The following OAT variants were observed in gnomAD, a reference collection of about 807,000 sequenced individuals.
OAT encodes ornithine aminotransferase, mitochondrial.
In OAT, 35 loss-of-function variants were observed where a neutral mutation model predicts 48.4. The ratio of observed to expected loss-of-function variants is 0.72; its 90% CI spans 0.55 to 0.96. The LOEUF is 0.96. Among genes scored for constraint, OAT ranks in the 40% least tolerant of loss-of-function variants. The pLI is 0.00. For missense variants in OAT, 438 were observed against 537.9 expected (o/e 0.81, Z 1.84); for synonymous variants, 182 against 198.4 (o/e 0.92, Z 0.70).
chr10:124,406,581 C>T (rs1397743096), intron 4 of OAT, among the ~76,000 whole-genome samples: 3 of 151,602 alleles, frequency 2.0e-5, no homozygotes, highest in African/African-American at 4.9e-5. Context: ...TTTGGGAGGC[C>T]GAGGCAGGCA....
chr10:124,405,132 A>G (rs1008358875), intron 5 of OAT, among the ~76,000 whole-genome samples: 5 of 152,220 alleles, frequency 3.3e-5, no homozygotes, highest in Non-Finnish European at 7.4e-5. Flanking sequence ...CTTCCACTTC[A>G]TAATTTTAAA....
chr10:124,413,237 G>C (rs1951808982), intron 1 of OAT, among the ~76,000 whole-genome samples: 1 of 150,190 alleles, frequency 6.7e-6, no homozygotes, highest in South Asian at 2.1e-4. Context: ...AGTTGAATTA[G>C]ACCAACATAT....
chr10:124,408,517 G>T, intron 4 of OAT, 25 bp downstream of exon 4: 1 of 1,552,758 alleles, frequency 6.4e-7, no homozygotes, highest in East Asian at 2.2e-5. Flanking sequence ...TTCAATCATA[G>T]AAGTTAATAT....
rs376686600 is a variant in OAT, at chr10:124,401,849, A to C, written c.901-10T>G. 1.3e-6 allele frequency: 2 copies of C among 1,588,648 alleles called. No individual in the cohort carries two copies. The highest frequency in any genetic ancestry group is 1.7e-6 in the Non-Finnish European group (2 of 1,158,046). On this transcript the variant is annotated splice_polypyrimidine_tract_variant and intron_variant, in intron 7 of 9. Transcript: ENST00000368845. ...ACAGCACTGCAGACACCTGAAAGAC[A>C]GTCAATTCACCATGTCATTTCTCAG...
At position 124,397,871 on chromosome 10, in the gene OAT, G is replaced by A; in HGVS notation, c.*71C>T. 4.4e-6 allele frequency: 7 copies of A among 1,589,708 alleles called. No individual in the cohort carries two copies. The highest frequency in any genetic ancestry group is 6.0e-6 in the Non-Finnish European group (7 of 1,159,386). ...ATGGGAGTGGAATGTGCCCACATTA[G>A]GAATAAAGCTTTTACAGGACCACCT... is the stretch of plus-strand genomic sequence containing the variant. On this transcript the variant is annotated 3_prime_UTR_variant, in exon 10 of 10. Transcript: ENST00000368845.
In OAT at chr10:124,408,311, G is replaced by GTA. The variant is rs1564735776; in HGVS notation, c.520+230_520+231insTA. On this transcript the variant is annotated intron_variant, in intron 4 of 9. Transcript: ENST00000368845. ...TGTGTGTGTGTGTGTGTGTGTGTGTGTGTGTGTATATATATATATATATAT... is the reference window on the plus strand; with the variant it reads ...TGTGTGTGTGTGTGTGTGTGTGTGTGTATGTGTGTATATATATATATATATAT... Among the ~76,000 whole-genome samples the GTA allele has an allele frequency of 1.6e-4, 10 of 61,602 alleles. No individual in the cohort carries two copies. The South Asian group carries it at 2.5e-3, about 16-fold the overall frequency. 40.4% of individuals were successfully genotyped at this position (61,602 alleles called of 152,430 possible). A position where few individuals can be genotyped will look rare whatever the true frequency, so the allele number is the denominator to read the frequency against.
At chr10:124,398,212 C>T in intron 9 of OAT, 110 bp from the exon 10 acceptor site, 1 of 1,242,678 alleles carries the variant, frequency 8.0e-7, no homozygotes, top group Non-Finnish European at 1.2e-6. Context: ...AGAACTTGCT[C>T]AACTAAGGGA....
rs559793654 is a variant in OAT at position 124,407,102 on chromosome 10, C to A, written c.520+1440G>T. On this transcript the variant is annotated intron_variant, in intron 4 of 9. Transcript: ENST00000368845. ...CTTCATCTCGTTTCTAAATACTATT[C>A]TTGCAAAGCCTCTTTCACCAGCATC... is the stretch of plus-strand genomic sequence containing the variant. 50 of 985,434 alleles carry A rather than the reference C, an allele frequency of 5.1e-5. No homozygotes were observed. In the African/African-American group the frequency reaches 7.8e-4, roughly 15 times the overall value. The allele number at this position is 985,434 out of a possible 1,614,324, so 61.0% of individuals were successfully genotyped here.
rs1951567181 is a variant in OAT, at chr10:124,406,011, A to G, written c.521-448T>C. Reference sequence around the variant, plus strand: ...AACTCCAATACTGCAGGCTAACAACAGAATGCATTTCCAATTTCATTTGGA... The same window carrying G: ...AACTCCAATACTGCAGGCTAACAACGGAATGCATTTCCAATTTCATTTGGA... On this transcript the variant is annotated intron_variant, in intron 4 of 9. Coordinates refer to ENST00000368845, the MANE Select transcript of OAT (RefSeq NM_000274.4). The G allele has an allele frequency of 5.7e-6, 6 of 1,045,870 alleles. No homozygotes were observed. The South Asian group carries it at 2.0e-4, about 35-fold the overall frequency. The allele number at this position is 1,045,870 out of a possible 1,614,324, so 64.8% of individuals were successfully genotyped here.
chr10:124,412,011 T>C lies in OAT; in HGVS notation c.161A>G (p.Asn54Ser). Reference sequence around the variant, plus strand: ...CAGGGCTACAGGTAAAGGATGGTAGTTGTGTGCACCATACTTATATTCCCT... The same window carrying C: ...CAGGGCTACAGGTAAAGGATGGTAGCTGTGTGCACCATACTTATATTCCCT... Reference protein sequence around the residue: ...FEREYKYGAHNYHPLPVALER... With the variant: ...FEREYKYGAHSYHPLPVALER... Residue 54 changes from asparagine to serine, a missense_variant, in exon 2 of 10, where the codon AAC (asparagine) becomes AGC (serine). Asn to Ser is a conservative substitution (Grantham distance 46). Transcript: ENST00000368845. 3 of 1,614,216 alleles carry C rather than the reference T, an allele frequency of 1.9e-6. No homozygotes were observed. Among genetic ancestry groups the C allele is most frequent in the Non-Finnish European group, 2.5e-6 (3 of 1,180,014 alleles).
At position 124,408,497 on chromosome 10, in the gene OAT, T is replaced by C. The variant is rs369824628; in HGVS notation, c.520+45A>G. On this transcript the variant is annotated intron_variant, in intron 4 of 9. Transcript: ENST00000368845. The stretch of plus-strand genomic sequence containing the variant: ...CACCATGCCTGGCCACAGTAAATTA[T>C]ATTGTATGTTTCAATCATAGAAGTT... 4.5e-5 allele frequency: 68 copies of C among 1,515,548 alleles called. No homozygotes were observed. In the African/African-American group the frequency reaches 8.4e-4, roughly 19 times the overall value. 93.9% of individuals were successfully genotyped at this position (1,515,548 alleles called of 1,614,324 possible). A position where few individuals can be genotyped will look rare whatever the true frequency, so the allele number is the denominator to read the frequency against.
intron 5 of OAT, among the ~76,000 whole-genome samples, chr10:124,404,678 G>A (rs1346887577): frequency 6.6e-6 from 1 of 152,000 alleles, no homozygotes; most frequent in Admixed American, 6.5e-5. Flanking sequence ...CTCCAGCCCT[G>A]GCCTCCCAAA....
chr10:124,408,541 C>T lies in OAT; in HGVS notation c.520+1G>A. 2 of 1,606,216 alleles carry T rather than the reference C, an allele frequency of 1.2e-6. No homozygotes were observed. The highest frequency in any genetic ancestry group is 2.2e-5 in the South Asian group (2 of 90,864). ...AGAAGTTAATATTTAATTTCACATA[C>T]CTGCAAAAACAATCTTTGCTTTGTA... On this transcript the variant is annotated splice_donor_variant, in intron 4 of 9. Transcript: ENST00000368845. LOFTEE classifies it high-confidence loss of function.
chr10:124,415,065 A>G (rs912334249), intron 1 of OAT: 4 of 25,748 alleles, frequency 1.6e-4, no homozygotes, highest in Non-Finnish European at 2.9e-4. Context: ...AGCCTGGGCT[A>G]CAAAGCGCTA....
intron 9 of OAT, among the ~76,000 whole-genome samples, chr10:124,398,992 G>A (rs1951317799): frequency 6.6e-6 from 1 of 151,826 alleles, no homozygotes; most frequent in African/African-American, 2.4e-5. Flanking sequence ...ACTCCAGCCT[G>A]GCGACAGACA....
chr10:124,417,621 T>C (rs1951961426), intron 1 of OAT, among the ~76,000 whole-genome samples: 2 of 152,190 alleles, frequency 1.3e-5, no homozygotes, highest in African/African-American at 2.4e-5. Context: ...CTCGTTTTTA[T>C]GAAAAGATTC....
chr10:124,415,541 C>A (rs1344830606), intron 1 of OAT, among the ~76,000 whole-genome samples: 4 of 152,180 alleles, frequency 2.6e-5, no homozygotes, highest in Admixed American at 6.5e-5. Context: ...TATTAAAGAA[C>A]CTTCTGTGTT....
chr10:124,412,435 C>T (rs1331573744), intron 1 of OAT, among the ~76,000 whole-genome samples: 2 of 151,722 alleles, frequency 1.3e-5, no homozygotes, highest in Non-Finnish European at 2.9e-5. Flanking sequence ...TGCTTGAGCC[C>T]GGAAGTTGAG....
intron 5 of OAT, among the ~76,000 whole-genome samples, chr10:124,404,531 C>T (rs888804179): frequency 6.6e-6 from 1 of 152,010 alleles, no homozygotes; most frequent in African/African-American, 2.4e-5. Context: ...AAGCAATCTG[C>T]CTGCCTCGGC....
Sources: allele counts gnomAD v4.1 joint callset (sites outside exome capture counted in the v4.1 genomes callset), GRCh38; gene constraint gnomAD v4.1.1; transcripts MANE v1.5; gene names NCBI Gene and HGNC (gene_info 2026-07-23, HGNC 2026-07-21).